Variants in VPS13B observed in about 807,000 individuals in gnomAD.
The protein encoded by VPS13B is vacuolar protein sorting 13 homolog B, also known as intermembrane lipid transfer protein VPS13B.
VPS13B carries 285 observed loss-of-function variants against 426.4 expected under a neutral mutation model. That is an observed-to-expected ratio of 0.67 (90% CI 0.61 to 0.74). The LOEUF is 0.74. VPS13B is among the 30% of genes least tolerant of loss of function. The pLI, the probability that VPS13B is intolerant of heterozygous loss-of-function variation, is 0.00. For synonymous variants in VPS13B, 1,676 were observed against 1,676.4 expected (o/e 1.00, Z 0.01); for missense variants, 4,537 against 4,782.6 (o/e 0.95, Z 1.51).
chr8:99,810,424 T>C (rs1439183406), intron 44 of VPS13B, among the ~76,000 whole-genome samples: 5 of 152,222 alleles, frequency 3.3e-5, no homozygotes, highest in Admixed American at 6.5e-5. Flanking sequence ...GCAGGGGCTA[T>C]TCTGTTGCTG....
intron 16 of VPS13B, among the ~76,000 whole-genome samples, chr8:99,171,906 T>G (rs1307207686): frequency 6.6e-6 from 1 of 152,138 alleles, no homozygotes; most frequent in Admixed American, 6.5e-5. Flanking sequence ...CAGTATGTCC[T>G]ATAAGTTTAA....
At chr8:99,459,686 A>G (rs982800145) in intron 23 of VPS13B, among the ~76,000 whole-genome samples, 4 of 152,190 alleles carry the variant, frequency 2.6e-5, no homozygotes, top group South Asian at 2.1e-4. Context: ...AAAAGGCACA[A>G]TAGAAGTATG....
intron 51 of VPS13B, among the ~76,000 whole-genome samples, chr8:99,830,588 C>G (rs1165300058): frequency 6.6e-6 from 1 of 152,160 alleles, no homozygotes; most frequent in Non-Finnish European, 1.5e-5. Flanking sequence ...TGGCTTAAGC[C>G]CCCTTTCCAG....
intron 19 of VPS13B, among the ~76,000 whole-genome samples, chr8:99,309,856 G>GTT (rs1188631353): frequency 2.6e-5 from 4 of 151,956 alleles, no homozygotes; most frequent in Non-Finnish European, 5.9e-5. Context: ...CTTTTATTTT[G>GTT]TTGAGCAGTG....
chr8:99,547,237 T>G (rs1162035513), intron 30 of VPS13B, among the ~76,000 whole-genome samples: 1 of 152,072 alleles, frequency 6.6e-6, no homozygotes, highest in Non-Finnish European at 1.5e-5. Flanking sequence ...CCCTGGGTGA[T>G]TCTTCTGCAC....
intron 17 of VPS13B, among the ~76,000 whole-genome samples, chr8:99,263,543 C>G (rs940154737): frequency 1.3e-5 from 2 of 152,122 alleles, no homozygotes; most frequent in Admixed American, 6.6e-5. Context: ...CTTTTTCTAG[C>G]TTTTAGAAAT....
At chr8:99,493,273 A>G (rs972749010) in intron 25 of VPS13B, among the ~76,000 whole-genome samples, 5 of 152,058 alleles carry the variant, frequency 3.3e-5, no homozygotes, top group Non-Finnish European at 7.4e-5. Context: ...ATCTTTTGGT[A>G]TTAGATTAGA....
intron 30 of VPS13B, among the ~76,000 whole-genome samples, chr8:99,541,105 C>G (rs1823590953): frequency 6.6e-6 from 1 of 151,234 alleles, no homozygotes; most frequent in Non-Finnish European, 1.5e-5. Context: ...ATATTTATAC[C>G]CTATATACTG....
intron 23 of VPS13B, among the ~76,000 whole-genome samples, chr8:99,443,759 T>C (rs1468245680): frequency 6.6e-6 from 1 of 152,162 alleles, no homozygotes; most frequent in Non-Finnish European, 1.5e-5. Flanking sequence ...TTGGCTTTTA[T>C]GAGAAATCCT....
intron 17 of VPS13B, among the ~76,000 whole-genome samples, chr8:99,270,002 A>G (rs1818491134): frequency 6.6e-6 from 1 of 151,890 alleles, no homozygotes; most frequent in Admixed American, 6.6e-5. Context: ...TTATGACATT[A>G]TGTTCTTTTA....
chr8:99,390,796 G>T (rs1322818154), intron 20 of VPS13B, among the ~76,000 whole-genome samples: 1 of 152,090 alleles, frequency 6.6e-6, no homozygotes. Context: ...TGATCCTATG[G>T]CAAACTTAAA....
chr8:99,869,936 G>A (rs1459313103), intron 59 of VPS13B, among the ~76,000 whole-genome samples: 1 of 152,248 alleles, frequency 6.6e-6, no homozygotes, highest in African/African-American at 2.4e-5. Flanking sequence ...GGCCTATGTG[G>A]CTGCTGCTGG....
intron 17 of VPS13B, among the ~76,000 whole-genome samples, chr8:99,214,383 G>A (rs987454660): frequency 6.6e-6 from 1 of 151,942 alleles, no homozygotes; most frequent in Non-Finnish European, 1.5e-5. Context: ...CTTTTCATAT[G>A]GTGCCTATTT....
intron 51 of VPS13B, among the ~76,000 whole-genome samples, chr8:99,825,235 CTGT>C (rs1183930628): frequency 2.0e-5 from 3 of 152,302 alleles, no homozygotes; most frequent in African/African-American, 7.2e-5. Context: ...TCTCCAGCAT[CTGT>C]TGTTTCCTGA....
At chr8:99,413,206 T>A (rs1235367429) in intron 21 of VPS13B, among the ~76,000 whole-genome samples, 1 of 152,120 alleles carries the variant, frequency 6.6e-6, no homozygotes, top group South Asian at 2.1e-4. Context: ...TTTTTGTTGG[T>A]AGGCTATTAA....
At chr8:99,632,427 T>C (rs1287874822) in intron 33 of VPS13B, among the ~76,000 whole-genome samples, 1 of 151,972 alleles carries the variant, frequency 6.6e-6, no homozygotes, top group Non-Finnish European at 1.5e-5. Flanking sequence ...AGAAAGTTGC[T>C]TTCTTAGAAC....
chr8:99,349,350 A>AAAAAAAAAAG (rs1184275418), intron 19 of VPS13B, among the ~76,000 whole-genome samples: 1 of 147,596 alleles, frequency 6.8e-6, no homozygotes, highest in African/African-American at 2.6e-5. Context: ...AAAAAAAAAA[A>AAAAAAAAAAG]AAAAAGAAAA....
intron 39 of VPS13B, among the ~76,000 whole-genome samples, chr8:99,750,423 A>G (rs1588681618): frequency 6.6e-6 from 1 of 152,108 alleles, no homozygotes; most frequent in East Asian, 1.9e-4. Context: ...AACAGAGTTT[A>G]TATAATATTT....
chr8:99,082,096 T>C (rs1342593713), intron 3 of VPS13B, among the ~76,000 whole-genome samples: 1 of 152,220 alleles, frequency 6.6e-6, no homozygotes, highest in African/African-American at 2.4e-5. Context: ...AAAGTGTTCC[T>C]GTTTCTCCAC....
Sources: gnomAD v4.1 joint callset for allele counts (sites outside exome capture counted in the v4.1 genomes callset) on GRCh38, gnomAD v4.1.1 for gene constraint, MANE v1.5 for transcripts, NCBI Gene and HGNC (gene_info 2026-07-23, HGNC 2026-07-21) for gene names.